TMTC3: variants seen among roughly 807,000 people sequenced by gnomAD.
TMTC3 encodes transmembrane O-mannosyltransferase targeting cadherins 3, also known as protein O-mannosyl-transferase TMTC3.
Under a neutral mutation model 92.2 loss-of-function variants are expected in TMTC3, and 52 were observed. The observed-to-expected ratio is 0.56, with a 90% CI of 0.45 to 0.71. The LOEUF is 0.71. TMTC3 is among the 30% of genes least tolerant of loss of function. The pLI, the probability that TMTC3 is intolerant of heterozygous loss-of-function variation, is 0.00. For missense variants in TMTC3, 896 were observed against 1,057.1 expected (o/e 0.85, Z 2.11); for synonymous variants, 339 against 363.3 (o/e 0.93, Z 0.76).
At position 88,194,919 on chromosome 12, in the gene TMTC3, T is replaced by C. The variant is rs1281554793; in HGVS notation, c.2015T>C (p.Phe672Ser). Residue 672 changes from phenylalanine to serine, a missense_variant, in exon 14 of 14, where the codon TTC becomes TCC. Physicochemically the swap from Phe to Ser is radical, Grantham distance 155. Transcript: ENST00000266712. ...GAGCCACTAGATGCTAATGGGTATT[T>C]CAATTTGGGAATGCTTGCCATGGAT... ...NEEPLDANGY[F>S]NLGMLAMDDK... 1.2e-6 allele frequency: 2 copies of C among 1,613,698 alleles called. No homozygotes were observed. Among genetic ancestry groups the C allele is most frequent in the Non-Finnish European group, 1.7e-6 (2 of 1,179,894 alleles).
intron 7 of TMTC3, among the ~76,000 whole-genome samples, chr12:88,171,948 T>C (rs950853507): frequency 2.6e-5 from 4 of 152,104 alleles, no homozygotes; most frequent in African/African-American, 9.7e-5. Context: ...TCCTTAATGA[T>C]AGTGATGTTG....
At chr12:88,165,970 A>G (rs2041138550) in intron 6 of TMTC3, among the ~76,000 whole-genome samples, 1 of 152,202 alleles carries the variant, frequency 6.6e-6, no homozygotes, top group South Asian at 2.1e-4. Flanking sequence ...CAACACATAC[A>G]ACCATAAATC....
At chr12:88,194,213 C>T (rs2041478802) in intron 13 of TMTC3, among the ~76,000 whole-genome samples, 1 of 151,898 alleles carries the variant, frequency 6.6e-6, no homozygotes, top group African/African-American at 2.4e-5. Context: ...CATAGTGAGA[C>T]CCTGTCTCAA....
At chr12:88,167,982 A>C (rs2041164818) in intron 7 of TMTC3, among the ~76,000 whole-genome samples, 1 of 152,184 alleles carries the variant, frequency 6.6e-6, no homozygotes, top group Non-Finnish European at 1.5e-5. Context: ...ACAGAAGTTC[A>C]CTCATACTCA....
chr12:88,194,782 C>G, intron 13 of TMTC3, 56 bp from the exon 14 acceptor site: 1 of 1,126,688 alleles, frequency 8.9e-7, no homozygotes, highest in South Asian at 2.5e-5. Flanking sequence ...TGGCTTTGTT[C>G]CTCACATTTA....
intron 7 of TMTC3, among the ~76,000 whole-genome samples, chr12:88,167,129 T>C (rs1386559015): frequency 1.3e-5 from 2 of 152,108 alleles, no homozygotes; most frequent in Admixed American, 1.3e-4. Flanking sequence ...GTGCGTTGGT[T>C]CTTGCCTGTA....
At chr12:88,159,338 T>C (rs2041048684) in intron 4 of TMTC3, among the ~76,000 whole-genome samples, 1 of 152,170 alleles carries the variant, frequency 6.6e-6, no homozygotes, top group African/African-American at 2.4e-5. Flanking sequence ...TGAAGAATAG[T>C]ATTTATTTAA....
At chr12:88,194,182 A>T (rs901231073) in intron 13 of TMTC3, among the ~76,000 whole-genome samples, 1 of 152,168 alleles carries the variant, frequency 6.6e-6, no homozygotes, top group Non-Finnish European at 1.5e-5. Context: ...TGGACACAGC[A>T]CTGCCCTCCA....
chr12:88,150,552 A>C (rs1380868523), intron 2 of TMTC3, among the ~76,000 whole-genome samples: 1 of 152,190 alleles, frequency 6.6e-6, no homozygotes, highest in East Asian at 1.9e-4. Context: ...AAAAAGACTC[A>C]TATGTTCTGA....
chr12:88,187,997 C>T (rs935890263), intron 10 of TMTC3, among the ~76,000 whole-genome samples: 1 of 151,908 alleles, frequency 6.6e-6, no homozygotes, highest in South Asian at 2.1e-4. Context: ...TTTCCTATCC[C>T]TGAATAAATT....
chr12:88,195,310 A>G lies in TMTC3; in HGVS notation c.2406A>G (p.Pro802=), dbSNP rs780623000. 5.0e-6 allele frequency: 8 copies of G among 1,613,774 alleles called. No individual in the cohort carries two copies. In the Admixed American group the frequency reaches 1.3e-4, roughly 27 times the overall value. ...TTCTTGAAACACTGGCATTAGCACC[A>G]CATGAAGAATATATTCAGCGCCATT... ...RCLLETLALA[P]HEEYIQRHLN... The change falls in exon 14 of 14, where the codon CCA becomes CCG. Residue 802 remains proline, a synonymous_variant. Coordinates refer to ENST00000266712, the MANE Select transcript of TMTC3 (RefSeq NM_181783.4).
At position 88,196,963 on chromosome 12, in the gene TMTC3, AT is replaced by A. The variant is rs1278563993; in HGVS notation, c.*1322del. 2.0e-5 allele frequency: 3 copies of A among 151,734 alleles called. No homozygotes were observed. The highest frequency in any genetic ancestry group is 3.0e-5 in the Non-Finnish European group (2 of 67,704). The allele number at this position is 151,734 out of a possible 1,614,324, so 9.4% of individuals were successfully genotyped here. On this transcript the variant is annotated 3_prime_UTR_variant, in exon 14 of 14. Transcript: ENST00000266712. ...AATTAAACTTACTAATTTATACCTG[AT>A]TTTTTTTCTTGAATTAAAGTACATT...
At chr12:88,167,535 T>G (rs376470284) in intron 7 of TMTC3, among the ~76,000 whole-genome samples, 4 of 152,342 alleles carry the variant, frequency 2.6e-5, no homozygotes, top group African/African-American at 9.6e-5. Flanking sequence ...TAGATTGATT[T>G]ATTCATTCAA....
chr12:88,166,732 A>G, intron 7 of TMTC3, 150 bp downstream of exon 7: 1 of 887,698 alleles, frequency 1.1e-6, no homozygotes, highest in Non-Finnish European at 1.6e-6. Context: ...AGTTTATCCC[A>G]AAATTCTCAG....
At chr12:88,160,889 T>C (rs2041070242) in intron 6 of TMTC3, 38 bp downstream of exon 6, 1 of 1,542,722 alleles carries the variant, frequency 6.5e-7, no homozygotes. Flanking sequence ...CCATTCTTTT[T>C]TTTAACTTTG....
rs1315963406 is a variant in TMTC3, at chr12:88,195,601, T to C, written c.2697T>C (p.Ala899=). ...DIKEIEKKRV[A]ALKRLEEIER... ...AAGAAATTGAGAAGAAAAGAGTTGC[T>C]GCTTTAAAAAGACTAGAAGAGATTG... The change falls in exon 14 of 14, where the codon GCT becomes GCC. Residue 899 remains alanine (A), a synonymous_variant. Coordinates refer to ENST00000266712, the MANE Select transcript of TMTC3 (RefSeq NM_181783.4). The C allele has an allele frequency of 6.2e-7, 1 of 1,602,362 alleles. No individual in the cohort carries two copies. The highest frequency in any genetic ancestry group is 8.5e-7 in the Non-Finnish European group (1 of 1,177,088).
In TMTC3 at chr12:88,148,494, C is replaced by T. The variant is rs1351121213; in HGVS notation, c.179C>T (p.Pro60Leu). Reference protein sequence around the residue: ...TLFQNDFWGTPMSEERSHKSY... With the variant: ...TLFQNDFWGTLMSEERSHKSY... Reference sequence around the variant, plus strand: ...TTTCAAAATGACTTCTGGGGAACCCCTATGTCTGAGGTAAGTAATTACTTA... The same window carrying T: ...TTTCAAAATGACTTCTGGGGAACCCTTATGTCTGAGGTAAGTAATTACTTA... The change falls in exon 2 of 14, where the codon CCT becomes CTT. Residue 60 changes from proline to leucine, a missense_variant. Transcript: ENST00000266712. The T allele has an allele frequency of 6.2e-7, 1 of 1,604,898 alleles. No homozygotes were observed. The highest frequency in any genetic ancestry group is 1.1e-5 in the South Asian group (1 of 89,272).
chr12:88,166,092 G>T (rs558150660), intron 6 of TMTC3, among the ~76,000 whole-genome samples: 1 of 152,206 alleles, frequency 6.6e-6, no homozygotes, highest in African/African-American at 2.4e-5. Flanking sequence ...AACAGAAATG[G>T]ATGACCTGCT....
At chr12:88,188,160 A>G (rs1180706169) in intron 10 of TMTC3, among the ~76,000 whole-genome samples, 1 of 152,200 alleles carries the variant, frequency 6.6e-6, no homozygotes, top group Admixed American at 6.5e-5. Context: ...TAATACTATT[A>G]TCATTATGTT....
Sources: gnomAD v4.1 joint callset for allele counts (sites outside exome capture counted in the v4.1 genomes callset) on GRCh38, gnomAD v4.1.1 for gene constraint, MANE v1.5 for transcripts, NCBI Gene and HGNC (gene_info 2026-07-23, HGNC 2026-07-21) for gene names.